The following SLC2A1 variants were observed in gnomAD, a reference collection of about 807,000 sequenced individuals.
SLC2A1 encodes the protein solute carrier family 2, facilitated glucose transporter member 1.
Under a neutral mutation model 46.6 loss-of-function variants are expected in SLC2A1, and 4 were observed. The observed-to-expected ratio is 0.09, with a 90% CI of 0.04 to 0.20. The LOEUF (loss-of-function observed/expected upper bound fraction) is 0.20, where lower values mean the gene tolerates loss of function less well. Among genes scored for constraint, SLC2A1 ranks in the 10% least tolerant of loss-of-function variants. The probability of loss-of-function intolerance (pLI) is 1.00; values close to 1 mark genes in which losing one functional copy is unlikely to be tolerated. For missense variants in SLC2A1, 352 were observed against 667.0 expected (o/e 0.53, Z 5.20); for synonymous variants, 253 against 270.0 (o/e 0.94, Z 0.62).
rs1362971897 is a variant in SLC2A1, at chr1:42,927,072, A to G, written c.1448T>C (p.Phe483Ser). 1 of 1,614,158 alleles carries G rather than the reference A, an allele frequency of 6.2e-7. No homozygotes were observed. The highest frequency in any genetic ancestry group is 1.7e-5 in the Admixed American group (1 of 60,020). ...SQSDKTPEEL[F>S]HPLGADSQV is the part of the protein sequence containing the mutation. ...TTGGGAATCAGCCCCCAGGGGATGG[A>G]ACAGCTCCTCGGGTGTCTTGTCACT... The change falls in exon 10 of 10, where the codon TTC becomes TCC. Residue 483 changes from phenylalanine to serine, a missense_variant. Coordinates refer to ENST00000426263, the MANE Select transcript of SLC2A1 (RefSeq NM_006516.4). The surrounding 1 kb of genome is among the most constrained non-coding windows in gnomAD (Gnocchi z 5.3).
chr1:42,949,555 C>T (rs1643698816), intron 1 of SLC2A1, among the ~76,000 whole-genome samples: 1 of 152,194 alleles, frequency 6.6e-6, no homozygotes, highest in Non-Finnish European at 1.5e-5. Context: ...TCCTTTAAGC[C>T]TTCCAATGAT....
Position 42,929,428 on chromosome 1 carries a change from A to G in SLC2A1, c.868-114T>C. Reference sequence around the variant, plus strand: ...TAAAGAATGAAGGGGACAAATACTCAGGCAGAAGGGACACTGCACTGCAGT... The same window carrying G: ...TAAAGAATGAAGGGGACAAATACTCGGGCAGAAGGGACACTGCACTGCAGT... On this transcript the variant is annotated intron_variant, in intron 6 of 9. Transcript: ENST00000426263. This position sits in a 1 kb window ranked among gnomAD's most constrained non-coding sequence, Gnocchi z 6.0. The G allele has an allele frequency of 9.1e-7, 1 of 1,093,910 alleles. No homozygotes were observed. The highest frequency in any genetic ancestry group is 1.4e-6 in the Non-Finnish European group (1 of 725,530). The allele number at this position is 1,093,910 out of a possible 1,614,324, so 67.8% of individuals were successfully genotyped here. A position where few individuals can be genotyped will look rare whatever the true frequency, so the allele number is the denominator to read the frequency against.
intron 1 of SLC2A1, among the ~76,000 whole-genome samples, chr1:42,947,347 A>G (rs1160673556): frequency 6.6e-6 from 1 of 152,094 alleles, no homozygotes; most frequent in Non-Finnish European, 1.5e-5. Context: ...ACTTTCTAGA[A>G]CATTCCATTC....
chr1:42,926,799 TA>T lies in SLC2A1; in HGVS notation c.*241del. The T allele has an allele frequency of 4.0e-6, 6 of 1,487,280 alleles. No individual in the cohort carries two copies. The highest frequency in any genetic ancestry group is 1.4e-5 in the African/African-American group (1 of 70,874). 92.1% of individuals were successfully genotyped at this position (1,487,280 alleles called of 1,614,324 possible). On this transcript the variant is annotated 3_prime_UTR_variant, in exon 10 of 10. Transcript: ENST00000426263. ...GATATAAAAATAACAAAATCAGTAATAAAAAAATTATAAAACCTGTTGCTTG... is the reference window on the plus strand; with the variant it reads ...GATATAAAAATAACAAAATCAGTAATAAAAAATTATAAAACCTGTTGCTTG...
intron 1 of SLC2A1, among the ~76,000 whole-genome samples, chr1:42,944,807 C>T (rs1164148118): frequency 6.6e-6 from 1 of 152,170 alleles, no homozygotes; most frequent in Non-Finnish European, 1.5e-5. Flanking sequence ...ACATTTATTC[C>T]ACATGCTGGG....
At chr1:42,950,318 T>C (rs772782613) in intron 1 of SLC2A1, among the ~76,000 whole-genome samples, 20 of 152,218 alleles carry the variant, frequency 1.3e-4, no homozygotes, top group Non-Finnish European at 2.2e-4. Flanking sequence ...TTACGCTCTA[T>C]CTGGCCCTTT....
chr1:42,927,138 T>A lies in SLC2A1; in HGVS notation c.1382A>T (p.Asp461Val), dbSNP rs1047721769. 6.2e-7 allele frequency: 1 copy of A among 1,614,050 alleles called. No individual in the cohort carries two copies. The highest frequency in any genetic ancestry group is 1.3e-5 in the African/African-American group (1 of 74,906). ...CTGCCGGAAGCCGGAAGCGATCTCA[T>A]CGAAGGTCCGGCCTTTAGTCTCAGG... is the stretch of plus-strand genomic sequence containing the variant. Reference protein sequence around the residue: ...KVPETKGRTFDEIASGFRQGG... With the variant: ...KVPETKGRTFVEIASGFRQGG... Residue 461 changes from aspartate (D) to valine (V), a missense_variant, in exon 10 of 10, where the codon GAT (aspartate) becomes GTT (valine). By Grantham distance (152) the Asp-to-Val change is radical. Around this residue, in one of 5 missense-constraint regions of SLC2A1, gnomAD observed 41 missense variants for 49.1 expected, o/e 0.83. Coordinates refer to ENST00000426263, the MANE Select transcript of SLC2A1 (RefSeq NM_006516.4). The surrounding 1 kb of genome is among the most constrained non-coding windows in gnomAD (Gnocchi z 5.3).
At chr1:42,951,745 A>G in intron 1 of SLC2A1, 1 of 395,704 alleles carries the variant, frequency 2.5e-6, no homozygotes, top group Non-Finnish European at 4.4e-6. Flanking sequence ...AGGACCTGGT[A>G]GGCCCCACAC....
intron 1 of SLC2A1, among the ~76,000 whole-genome samples, chr1:42,944,415 G>T (rs951610843): frequency 6.6e-6 from 1 of 152,184 alleles, no homozygotes; most frequent in African/African-American, 2.4e-5. Flanking sequence ...GGCTGCGGGA[G>T]GCATGCCAAA....
rs113547677 is a variant in SLC2A1, at chr1:42,954,218, T to A, written c.18+4416A>T. Among the ~76,000 whole-genome samples the A allele has an allele frequency of 2.1e-5, 3 of 146,168 alleles. No individual in the cohort carries two copies. The highest frequency in any genetic ancestry group is 4.6e-5 in the Non-Finnish European group (3 of 65,266). On this transcript the variant is annotated intron_variant, in intron 1 of 9. Transcript: ENST00000426263. The surrounding 1 kb of genome is among the most constrained non-coding windows in gnomAD (Gnocchi z 4.2). ...AGGCATGTGGAGAAGAAAGCATCTT[T>A]AAAAAAAAAACACAGCTAGGCCAGG...
rs1643431578 is a variant in SLC2A1, at chr1:42,926,825, G to A, written c.*216C>T. On this transcript the variant is annotated 3_prime_UTR_variant, in exon 10 of 10. Transcript: ENST00000426263. The stretch of plus-strand genomic sequence containing the variant: ...AAAAAAATTATAAAACCTGTTGCTT[G>A]TCTGAATAGATTTGAGCAACAGTCT... The A allele has an allele frequency of 6.7e-7, 1 of 1,494,340 alleles. No homozygotes were observed. The highest frequency in any genetic ancestry group is 1.3e-5 in the South Asian group (1 of 78,392). 92.6% of individuals were successfully genotyped at this position (1,494,340 alleles called of 1,614,324 possible).
chr1:42,948,325 G>A (rs1191490798), intron 1 of SLC2A1, among the ~76,000 whole-genome samples: 1 of 152,176 alleles, frequency 6.6e-6, no homozygotes, highest in African/African-American at 2.4e-5. Flanking sequence ...GGGTTGGCCT[G>A]CAGCAGGTTC....
At chr1:42,951,771 C>T (rs1256216481) in intron 1 of SLC2A1, 6 of 398,254 alleles carry the variant, frequency 1.5e-5, no homozygotes, top group Non-Finnish European at 2.7e-5. Flanking sequence ...CTGCTAGGCC[C>T]TGGACTGTCC....
At chr1:42,928,270 G>A (rs946994578) in intron 8 of SLC2A1, among the ~76,000 whole-genome samples, 1 of 152,226 alleles carries the variant, frequency 6.6e-6, no homozygotes, top group Admixed American at 6.5e-5. Context: ...CTTTCCACTT[G>A]CTGCCTGTCT....
intron 2 of SLC2A1, among the ~76,000 whole-genome samples, chr1:42,936,072 G>A (rs1570597117): frequency 6.6e-6 from 1 of 152,212 alleles, no homozygotes. Flanking sequence ...TGCCAGGAGG[G>A]GTATGCGTTT....
rs528394071 is a variant in SLC2A1, at chr1:42,926,807, T to G, written c.*234A>C. ...AATAACAAAATCAGTAATAAAAAAA[T>G]TATAAAACCTGTTGCTTGTCTGAAT... On this transcript the variant is annotated 3_prime_UTR_variant, in exon 10 of 10. Coordinates refer to ENST00000426263, the MANE Select transcript of SLC2A1 (RefSeq NM_006516.4). The G allele has an allele frequency of 5.4e-6, 8 of 1,491,612 alleles. No homozygotes were observed. In the Admixed American group the frequency reaches 1.9e-4, roughly 35 times the overall value. The allele number at this position is 1,491,612 out of a possible 1,614,324, so 92.4% of individuals were successfully genotyped here.
intron 1 of SLC2A1, among the ~76,000 whole-genome samples, chr1:42,949,360 G>A (rs1010918845): frequency 6.6e-6 from 1 of 152,216 alleles, no homozygotes; most frequent in Admixed American, 6.5e-5. Flanking sequence ...CAGAGGGCAG[G>A]TGCCCAGCCT....
intron 2 of SLC2A1, among the ~76,000 whole-genome samples, chr1:42,932,447 A>G (rs1643501806): frequency 6.7e-6 from 1 of 150,180 alleles, no homozygotes; most frequent in South Asian, 2.1e-4. Flanking sequence ...ACCATCACAC[A>G]CACATACCCG....
At chr1:42,931,355 T>G in intron 2 of SLC2A1, 149 bp from the exon 3 acceptor site, 2 of 798,642 alleles carry the variant, frequency 2.5e-6, no homozygotes, top group South Asian at 3.7e-5. Context: ...GTCCCTCTAT[T>G]TTTGTGGGCC....
Sources: gnomAD v4.1 joint callset for allele counts (sites outside exome capture counted in the v4.1 genomes callset) on GRCh38, gnomAD v4.1.1 for gene constraint, gnomAD v4.1.1 regional missense constraint, Gnocchi (gnomAD v3.1) non-coding constraint, MANE v1.5 for transcripts, NCBI Gene and HGNC (gene_info 2026-07-23, HGNC 2026-07-21) for gene names.